Variants in MSH3 observed in about 807,000 individuals in gnomAD.
The protein encoded by MSH3 is DNA mismatch repair protein Msh3.
A neutral mutation model predicts 123.3 loss-of-function variants in MSH3; 106 were observed. That is an observed-to-expected ratio of 0.86 (90% confidence interval 0.73 to 1.01). The LOEUF (loss-of-function observed/expected upper bound fraction) is 1.01. Among genes scored for constraint, MSH3 ranks in the 50% least tolerant of loss-of-function variants. MSH3 has a pLI of 0.00. For missense variants in MSH3, 1,459 were observed against 1,347.6 expected (o/e 1.08, Z -1.29); for synonymous variants, 515 against 481.4 (o/e 1.07, Z -0.91).
chr5:80,802,921 C>T (rs2112039051), intron 19 of MSH3, among the ~76,000 whole-genome samples: 1 of 152,230 alleles, frequency 6.6e-6, no homozygotes, highest in Non-Finnish European at 1.5e-5. Flanking sequence ...TTTTTTATGG[C>T]TGAATAGTAC....
intron 12 of MSH3, among the ~76,000 whole-genome samples, chr5:80,761,142 C>G (rs6151792): frequency 6.6e-6 from 1 of 151,984 alleles, no homozygotes; most frequent in African/African-American, 2.4e-5. Flanking sequence ...AAATTAGGCC[C>G]GCAGACAATT....
chr5:80,771,662 T>C (rs1373517541), intron 15 of MSH3, among the ~76,000 whole-genome samples: 3 of 152,210 alleles, frequency 2.0e-5, no homozygotes, highest in Non-Finnish European at 4.4e-5. Flanking sequence ...TCTATACATA[T>C]GTCTTTTGTA....
intron 10 of MSH3, among the ~76,000 whole-genome samples, chr5:80,735,951 G>A (rs942468913): frequency 2.0e-5 from 3 of 152,098 alleles, no homozygotes; most frequent in South Asian, 2.1e-4. Flanking sequence ...CTGGCTGGGC[G>A]CAGTGGCTCA....
intron 8 of MSH3, among the ~76,000 whole-genome samples, chr5:80,705,854 C>A (rs997012159): frequency 6.6e-6 from 1 of 152,164 alleles, no homozygotes; most frequent in South Asian, 2.1e-4. Context: ...AGGGCCCACC[C>A]TGATGGCCTC....
intron 13 of MSH3, among the ~76,000 whole-genome samples, chr5:80,762,652 C>A (rs563409192): frequency 6.6e-6 from 1 of 151,496 alleles, no homozygotes; most frequent in Admixed American, 6.6e-5. Flanking sequence ...TTTTCATAAG[C>A]AAATTTTATT....
At chr5:80,718,905 C>A (rs1320015261) in intron 8 of MSH3, among the ~76,000 whole-genome samples, 1 of 152,172 alleles carries the variant, frequency 6.6e-6, no homozygotes, top group African/African-American at 2.4e-5. Context: ...ACCTCTGTGC[C>A]ATTTTGCCAT....
intron 18 of MSH3, among the ~76,000 whole-genome samples, chr5:80,788,142 T>G (rs779574159): frequency 1.3e-5 from 2 of 152,154 alleles, no homozygotes; most frequent in Admixed American, 6.6e-5. Context: ...AAATCTAACT[T>G]TAAAATTCAG....
intron 10 of MSH3, among the ~76,000 whole-genome samples, chr5:80,738,942 G>T (rs908046863): frequency 2.4e-4 from 36 of 152,206 alleles, no homozygotes; most frequent in South Asian, 1.2e-3. Flanking sequence ...CACACAGAAG[G>T]TGCCATCTAT....
At chr5:80,870,441 A>G (rs932999577) in intron 22 of MSH3, among the ~76,000 whole-genome samples, 6 of 152,100 alleles carry the variant, frequency 3.9e-5, no homozygotes, top group South Asian at 2.1e-4. Context: ...TTGATTGCCT[A>G]TTGCCTTTCA....
At position 80,860,010 on chromosome 5, in the gene MSH3, T is replaced by A. The variant is rs563662542; in HGVS notation, c.3001-4803T>A. 4.6e-4 allele frequency among the ~76,000 whole-genome samples: 70 copies of A among 152,168 alleles called. 1 individual carries two copies. Among genetic ancestry groups the A allele is most frequent in the Non-Finnish European group, 9.0e-4 (61 of 68,032 alleles). Reference sequence around the variant, plus strand: ...AAATAACACTATATTGCTTTATGAGTAATGCACGTATTTTTTAATAACAAA... The same window carrying A: ...AAATAACACTATATTGCTTTATGAGAAATGCACGTATTTTTTAATAACAAA... On this transcript the variant is annotated intron_variant, in intron 21 of 23. Transcript: ENST00000265081.
intron 19 of MSH3, among the ~76,000 whole-genome samples, chr5:80,798,965 C>G (rs1013957803): frequency 5.3e-5 from 8 of 152,234 alleles, no homozygotes; most frequent in Non-Finnish European, 1.2e-4. Flanking sequence ...GTTTTTAAAG[C>G]TCTCACATAC....
At chr5:80,720,203 A>G (rs1237395002) in intron 8 of MSH3, among the ~76,000 whole-genome samples, 2 of 152,040 alleles carry the variant, frequency 1.3e-5, no homozygotes, top group Non-Finnish European at 2.9e-5. Context: ...ACAACTTGTC[A>G]TTTTGGCTGG....
At chr5:80,673,758 A>C (rs758569300) in intron 6 of MSH3, among the ~76,000 whole-genome samples, 1 of 152,188 alleles carries the variant, frequency 6.6e-6, no homozygotes, top group Non-Finnish European at 1.5e-5. Context: ...ATTTACGGTC[A>C]TTTATAAATG....
intron 8 of MSH3, among the ~76,000 whole-genome samples, chr5:80,723,809 C>A (rs569173411): frequency 6.6e-6 from 1 of 152,022 alleles, no homozygotes; most frequent in African/African-American, 2.4e-5. Context: ...CTTGCTCAGG[C>A]TGGAGTGCAG....
At chr5:80,804,108 T>C (rs1342165962) in intron 19 of MSH3, among the ~76,000 whole-genome samples, 1 of 152,258 alleles carries the variant, frequency 6.6e-6, no homozygotes, top group East Asian at 1.9e-4. Context: ...ATTGGTCTTT[T>C]AATAGGGATT....
At chr5:80,760,852 G>T (rs1744020348) in intron 12 of MSH3, among the ~76,000 whole-genome samples, 1 of 152,132 alleles carries the variant, frequency 6.6e-6, no homozygotes, top group African/African-American at 2.4e-5. Context: ...ATGGGCCAGG[G>T]CTAGAGGTGG....
chr5:80,868,950 TCTC>T (rs1330196209), intron 22 of MSH3, among the ~76,000 whole-genome samples: 1 of 152,030 alleles, frequency 6.6e-6, no homozygotes, highest in Non-Finnish European at 1.5e-5. Context: ...TTCCCCAACT[TCTC>T]CTCTTCTGTA....
At chr5:80,855,673 A>G (rs1308678380) in intron 21 of MSH3, 1 of 152,198 alleles carries the variant, frequency 6.6e-6, no homozygotes. Context: ...AGAGACATCA[A>G]CGACACTCAA....
intron 8 of MSH3, among the ~76,000 whole-genome samples, chr5:80,696,844 C>A (rs1750493410): frequency 6.6e-6 from 1 of 151,990 alleles, no homozygotes; most frequent in Non-Finnish European, 1.5e-5. Context: ...ATTGATAATG[C>A]CAGTGTGCAA....
Sources: allele counts gnomAD v4.1 joint callset (sites outside exome capture counted in the v4.1 genomes callset), GRCh38; gene constraint gnomAD v4.1.1; transcripts MANE v1.5; gene names NCBI Gene and HGNC (gene_info 2026-07-23, HGNC 2026-07-21).